Variants in TMEM245 observed in about 807,000 individuals in gnomAD.
The protein encoded by TMEM245 is transmembrane protein 245.
A neutral mutation model predicts 101.2 loss-of-function variants in TMEM245; 69 were observed. The observed-to-expected ratio is 0.68, with a 90% CI of 0.56 to 0.83. The LOEUF is 0.83. TMEM245 is among the 40% of genes least tolerant of loss of function. The pLI is 0.00. For synonymous variants in TMEM245, 537 were observed against 449.8 expected, an observed-to-expected ratio of 1.19 and a Z score of -2.45; for missense variants, 1,075 against 1,092.8, an observed-to-expected ratio of 0.98 and a Z score of 0.23.
At chr9:109,050,506 T>C in intron 13 of TMEM245, 64 bp downstream of exon 13, 3 of 1,612,448 alleles carry the variant, frequency 1.9e-6, no homozygotes, top group Non-Finnish European at 2.5e-6. Flanking sequence ...CAATTGCAAA[T>C]GAAACCAGAA....
At chr9:109,108,610 G>T in intron 1 of TMEM245, 40 bp from the exon 2 acceptor site, 2 of 1,418,186 alleles carry the variant, frequency 1.4e-6, no homozygotes, top group Non-Finnish European at 9.8e-7. Flanking sequence ...ATCTATACAC[G>T]TGAAAATGAA....
At chr9:109,112,200 C>T (rs1214645998) in intron 1 of TMEM245, among the ~76,000 whole-genome samples, 2 of 151,534 alleles carry the variant, frequency 1.3e-5, no homozygotes, top group Middle Eastern at 3.4e-3. Flanking sequence ...TTCTAAAAGG[C>T]ATGGTGGGGG....
intron 1 of TMEM245, among the ~76,000 whole-genome samples, chr9:109,119,023 T>C (rs1830811307): frequency 6.6e-6 from 1 of 152,178 alleles, no homozygotes; most frequent in African/African-American, 2.4e-5. Context: ...CAAGCCCCAC[T>C]GCCATGCTCT....
intron 7 of TMEM245, among the ~76,000 whole-genome samples, chr9:109,083,912 A>AC (rs1282789144): frequency 1.5e-5 from 2 of 133,986 alleles, no homozygotes; most frequent in Admixed American, 7.3e-5. Flanking sequence ...AAAAAAAAAA[A>AC]AAAAAAAAAA....
intron 1 of TMEM245, among the ~76,000 whole-genome samples, chr9:109,111,923 G>T (rs1285792473): frequency 6.6e-6 from 1 of 152,042 alleles, no homozygotes; most frequent in East Asian, 1.9e-4. Context: ...TTTCTACTAA[G>T]GTTATGTAGT....
intron 16 of TMEM245, among the ~76,000 whole-genome samples, chr9:109,034,551 A>G (rs1466789481): frequency 1.3e-5 from 2 of 152,110 alleles, no homozygotes; most frequent in Non-Finnish European, 2.9e-5. Flanking sequence ...GACTCAAGTG[A>G]TCTTCCTACC....
At chr9:109,074,874 C>CT (rs538662011) in intron 8 of TMEM245, among the ~76,000 whole-genome samples, 120 of 152,234 alleles carry the variant, frequency 7.9e-4, no homozygotes, top group African/African-American at 2.8e-3. Context: ...GGAAAACAAA[C>CT]TGATTTCAGA....
chr9:109,039,747 C>T (rs1045588103), intron 14 of TMEM245, among the ~76,000 whole-genome samples: 4 of 151,312 alleles, frequency 2.6e-5, no homozygotes, highest in South Asian at 2.1e-4. Context: ...AAATCATTTC[C>T]GTAGTAGGAG....
intron 9 of TMEM245, among the ~76,000 whole-genome samples, chr9:109,068,089 C>T (rs938504831): frequency 1.3e-5 from 2 of 152,120 alleles, no homozygotes; most frequent in African/African-American, 2.4e-5. Context: ...CTTCCTTGGC[C>T]GGACGCGGTC....
intron 8 of TMEM245, among the ~76,000 whole-genome samples, chr9:109,076,297 A>G (rs1829496735): frequency 6.8e-6 from 1 of 147,952 alleles, no homozygotes; most frequent in African/African-American, 2.5e-5. Flanking sequence ...ACCAAACACC[A>G]CATGTTCTCA....
intron 17 of TMEM245, among the ~76,000 whole-genome samples, chr9:109,030,131 T>C (rs374809443): frequency 6.6e-6 from 1 of 152,180 alleles, no homozygotes; most frequent in Non-Finnish European, 1.5e-5. Flanking sequence ...GATGCCTATA[T>C]ATGACCAAAT....
Position 109,016,433 on chromosome 9 carries a change from A to G in TMEM245, c.*4027T>C, listed in dbSNP as rs1481010923. On this transcript the variant is annotated 3_prime_UTR_variant, in exon 18 of 18. Coordinates refer to ENST00000374586, the MANE Select transcript of TMEM245 (RefSeq NM_032012.4). ...ACAACGGACTGACAGAAAAAAAAGA[A>G]CTCTATTCTATTCTGAATTCTGTTA... The G allele has an allele frequency of 6.6e-6, 1 of 152,160 alleles. No individual in the cohort carries two copies. Among genetic ancestry groups the G allele is most frequent in the African/African-American group, 2.4e-5 (1 of 41,436 alleles). 9.4% of individuals were successfully genotyped at this position (152,160 alleles called of 1,614,324 possible).
chr9:109,055,479 T>C (rs962157609), intron 12 of TMEM245, among the ~76,000 whole-genome samples: 2 of 152,050 alleles, frequency 1.3e-5, no homozygotes, highest in African/African-American at 4.8e-5. Context: ...AAAACAAACT[T>C]TAAAGAAACT....
rs1554725101 is a variant in TMEM245, at chr9:109,083,916, A to AAAAAAAAAAAAAAAAAAAAAAC, written c.1344+2080_1344+2081insGTTTTTTTTTTTTTTTTTTTTT. ...ACTAAAAATACAAAAAAAAAAAAAA[A>AAAAAAAAAAAAAAAAAAAAAAC]AAAAAAAAAAAAACACCAGGCATGG... On this transcript the variant is annotated intron_variant, in intron 7 of 17. Transcript: ENST00000374586. Among the ~76,000 whole-genome samples, 72 of 132,582 alleles carry AAAAAAAAAAAAAAAAAAAAAAC rather than the reference A, an allele frequency of 5.4e-4. 1 individual carries two copies. The highest frequency in any genetic ancestry group is 2.5e-3 in the East Asian group (10 of 3,926). 87.0% of individuals were successfully genotyped at this position (132,582 alleles called of 152,430 possible).
chr9:109,050,994 A>G (rs1828662783), intron 12 of TMEM245, among the ~76,000 whole-genome samples: 1 of 152,080 alleles, frequency 6.6e-6, no homozygotes, highest in Non-Finnish European at 1.5e-5. Flanking sequence ...GGATTAAAAC[A>G]TTTTATATAT....
intron 1 of TMEM245, among the ~76,000 whole-genome samples, chr9:109,113,882 G>A (rs1318055129): frequency 6.6e-6 from 1 of 152,162 alleles, no homozygotes; most frequent in African/African-American, 2.4e-5. Flanking sequence ...CTGAGGTTAG[G>A]AGTTTGAGAC....
chr9:109,119,614 C>G lies in TMEM245; in HGVS notation c.300G>C (p.Ser100=), dbSNP rs1194567730. ...GCCAGTGGCGGCCCAGGCGCGTCAG[C>G]GAGCTCTTGAAGGGGTGCAGAAAAG... ...CGTFLHPFKS[S]LTRLGRHWLQ... Residue 100 remains serine (S), a synonymous_variant, in exon 1 of 18, where the codon TCG becomes TCC. Coordinates refer to ENST00000374586, the MANE Select transcript of TMEM245 (RefSeq NM_032012.4). 1.3e-6 allele frequency: 2 copies of G among 1,558,820 alleles called. No individual in the cohort carries two copies. The highest frequency in any genetic ancestry group is 2.4e-5 in the South Asian group (2 of 84,854).
chr9:109,091,816 T>C (rs1399038852), intron 4 of TMEM245, among the ~76,000 whole-genome samples: 1 of 152,158 alleles, frequency 6.6e-6, no homozygotes. Context: ...ATTTCCTAGT[T>C]TTAATAAGAT....
Position 109,117,290 on chromosome 9 carries a change from G to C in TMEM245, c.579+2045C>G, listed in dbSNP as rs539442066. 9.3e-4 allele frequency among the ~76,000 whole-genome samples: 125 copies of C among 134,868 alleles called. 1 individual carries two copies. The highest frequency in any genetic ancestry group is 1.9e-3 in the South Asian group (8 of 4,226). The allele number at this position is 134,868 out of a possible 152,430, so 88.5% of individuals were successfully genotyped here. A position where few individuals can be genotyped will look rare whatever the true frequency, so the allele number is the denominator to read the frequency against. ...ACACCCAGCTAATTTTTTTTTTTTT[G>C]TATTTTTGGTAGAGACGGGGTTTCA... On this transcript the variant is annotated intron_variant, in intron 1 of 17. Transcript: ENST00000374586.
Sources: allele counts gnomAD v4.1 joint callset (sites outside exome capture counted in the v4.1 genomes callset), GRCh38; gene constraint gnomAD v4.1.1; transcripts MANE v1.5; gene names NCBI Gene and HGNC (gene_info 2026-07-23, HGNC 2026-07-21).